RNF150: variants seen among roughly 807,000 people sequenced by gnomAD.
The protein encoded by RNF150 is ring finger protein 150.
RNF150 carries 24 observed loss-of-function variants against 39.3 expected under a neutral mutation model. The observed-to-expected ratio is 0.61, with a 90% CI of 0.44 to 0.86. The LOEUF (loss-of-function observed/expected upper bound fraction) is 0.86, where lower values mean the gene tolerates loss of function less well. Among genes scored for constraint, RNF150 ranks in the 40% least tolerant of loss-of-function variants. The pLI is 0.00. For synonymous variants in RNF150, 255 were observed against 227.3 expected (o/e 1.12, Z -1.10); for missense variants, 502 against 587.8 (o/e 0.85, Z 1.51).
rs374655524 is a variant in RNF150, at chr4:140,869,543, C to G, written c.1199-1164G>C. 5.6e-4 allele frequency among the ~76,000 whole-genome samples: 85 copies of G among 152,226 alleles called. 1 individual carries two copies. In the South Asian group the frequency reaches 0.017, roughly 31 times the overall value. ...TAGGGGAGATTAAGACAATCCCTAT[C>G]CTGAAGGAGCTCATTGTCTGGTGGG... On this transcript the variant is annotated intron_variant, in intron 6 of 6. Coordinates refer to ENST00000515673, the MANE Select transcript of RNF150 (RefSeq NM_020724.2).
At chr4:141,057,704 A>G (rs569729351) in intron 1 of RNF150, among the ~76,000 whole-genome samples, 3 of 152,108 alleles carry the variant, frequency 2.0e-5, no homozygotes, top group Non-Finnish European at 2.9e-5. Flanking sequence ...TTTGACATGC[A>G]TCAGCTGTCT....
At chr4:141,144,781 A>G (rs1027509651) in intron 1 of RNF150, among the ~76,000 whole-genome samples, 5 of 152,202 alleles carry the variant, frequency 3.3e-5, no homozygotes, top group Non-Finnish European at 5.9e-5. Flanking sequence ...GTGTTATGAA[A>G]GCAGGGACTT....
chr4:140,980,933 C>A (rs1418938078), intron 1 of RNF150, among the ~76,000 whole-genome samples: 1 of 152,094 alleles, frequency 6.6e-6, no homozygotes, highest in East Asian at 1.9e-4. Context: ...TGTATAATTA[C>A]CAACTGTCTC....
intron 6 of RNF150, among the ~76,000 whole-genome samples, chr4:140,910,503 C>T (rs1730550837): frequency 6.6e-6 from 1 of 152,132 alleles, no homozygotes; most frequent in South Asian, 2.1e-4. Context: ...CATTTAGTGA[C>T]TGTCTATGTA....
intron 6 of RNF150, among the ~76,000 whole-genome samples, chr4:140,873,613 C>G (rs915629728): frequency 1.3e-5 from 2 of 152,182 alleles, no homozygotes; most frequent in African/African-American, 4.8e-5. Flanking sequence ...ATCTCATTCT[C>G]TGTCTTCAAT....
chr4:140,901,309 TAATA>T, intron 6 of RNF150, among the ~76,000 whole-genome samples: 2 of 24,196 alleles, frequency 8.3e-5, no homozygotes, highest in African/African-American at 1.5e-4. Context: ...TAATGATAAA[TAATA>T]AATCAGTCCA....
intron 6 of RNF150, among the ~76,000 whole-genome samples, chr4:140,890,028 G>C (rs1729703774): frequency 6.6e-6 from 1 of 152,080 alleles, no homozygotes; most frequent in Non-Finnish European, 1.5e-5. Context: ...CCCCACATTA[G>C]CTCCTTTTGT....
chr4:141,129,036 C>G (rs1215058328), intron 1 of RNF150, among the ~76,000 whole-genome samples: 1 of 152,100 alleles, frequency 6.6e-6, no homozygotes, highest in East Asian at 1.9e-4. Context: ...CAAAATGATG[C>G]AGTTGTTTTG....
chr4:141,140,216 T>G (rs1043387145), intron 1 of RNF150, among the ~76,000 whole-genome samples: 2 of 152,226 alleles, frequency 1.3e-5, no homozygotes, highest in African/African-American at 4.8e-5. Flanking sequence ...CTCTTTGTTC[T>G]CTTACTAACT....
intron 1 of RNF150, among the ~76,000 whole-genome samples, chr4:141,109,055 T>C (rs1042242763): frequency 2.0e-5 from 3 of 152,204 alleles, no homozygotes; most frequent in Admixed American, 1.3e-4. Context: ...AGATAATCCA[T>C]GTTAACGCTC....
At chr4:141,086,049 C>G (rs1305311548) in intron 1 of RNF150, among the ~76,000 whole-genome samples, 1 of 151,606 alleles carries the variant, frequency 6.6e-6, no homozygotes, top group Non-Finnish European at 1.5e-5. Flanking sequence ...CACACACACA[C>G]ACACACACAC....
chr4:141,034,060 A>G (rs192392580), intron 1 of RNF150, among the ~76,000 whole-genome samples: 1 of 152,226 alleles, frequency 6.6e-6, no homozygotes, highest in East Asian at 1.9e-4. Flanking sequence ...TCTCTTCTCT[A>G]GCTATGAAGG....
rs1358821168 is a variant in RNF150 at position 141,115,130 on chromosome 4, A to T, written c.484+17195T>A. The stretch of plus-strand genomic sequence containing the variant: ...CCACTCCTATTAAACATAGTATTGG[A>T]AGTTCTGGCTAGGGCAATCAGGCAA... On this transcript the variant is annotated intron_variant, in intron 1 of 6. Coordinates refer to ENST00000515673, the MANE Select transcript of RNF150 (RefSeq NM_020724.2). Among the ~76,000 whole-genome samples the T allele has an allele frequency of 3.3e-5, 5 of 152,320 alleles. No individual in the cohort carries two copies. In the East Asian group the frequency reaches 9.6e-4, roughly 29 times the overall value.
intron 4 of RNF150, among the ~76,000 whole-genome samples, chr4:140,942,400 A>T (rs1026649819): frequency 6.6e-6 from 1 of 152,214 alleles, no homozygotes; most frequent in Non-Finnish European, 1.5e-5. Context: ...TGCCGATGTT[A>T]AACAGCAGCA....
chr4:141,021,332 T>G (rs1174554838), intron 1 of RNF150, among the ~76,000 whole-genome samples: 1 of 151,974 alleles, frequency 6.6e-6, no homozygotes, highest in Non-Finnish European at 1.5e-5. Context: ...GGAGCCTGAG[T>G]AGAGTTGAGT....
At chr4:141,075,396 T>C (rs1737857689) in intron 1 of RNF150, among the ~76,000 whole-genome samples, 1 of 152,244 alleles carries the variant, frequency 6.6e-6, no homozygotes, top group African/African-American at 2.4e-5. Context: ...AAGGAAAGCC[T>C]ATCTGGAAGT....
intron 1 of RNF150, among the ~76,000 whole-genome samples, chr4:141,210,467 G>T (rs1728443821): frequency 6.8e-6 from 1 of 146,878 alleles, no homozygotes; most frequent in South Asian, 2.2e-4. Flanking sequence ...TACATTTAAT[G>T]TGCTGGTTGC....
intron 6 of RNF150, among the ~76,000 whole-genome samples, chr4:140,903,689 T>C (rs1730272450): frequency 1.3e-5 from 2 of 152,134 alleles, no homozygotes; most frequent in African/African-American, 2.4e-5. Context: ...AATTAATCAA[T>C]TGGAGATGGT....
chr4:141,048,359 T>C (rs1366166964), intron 1 of RNF150, among the ~76,000 whole-genome samples: 2 of 152,150 alleles, frequency 1.3e-5, no homozygotes, highest in East Asian at 3.9e-4. Flanking sequence ...AAAAATAGTG[T>C]TATGCAGCCA....
Sources: gnomAD v4.1 joint callset for allele counts (sites outside exome capture counted in the v4.1 genomes callset) on GRCh38, gnomAD v4.1.1 for gene constraint, MANE v1.5 for transcripts, NCBI Gene and HGNC (gene_info 2026-07-23, HGNC 2026-07-21) for gene names.